The following TAF12 variants were observed in gnomAD, a reference collection of about 807,000 sequenced individuals.
TAF12 encodes transcription initiation factor TFIID subunit 12.
A neutral mutation model predicts 20.8 loss-of-function variants in TAF12; 3 were observed. That is an observed-to-expected ratio of 0.14 (90% CI 0.07 to 0.37). TAF12 has a LOEUF of 0.37. Among genes scored for constraint, TAF12 ranks in the 10% least tolerant of loss-of-function variants. TAF12 has a pLI of 1.00. For synonymous variants in TAF12, 69 were observed against 70.2 expected (o/e 0.98, Z 0.09); for missense variants, 131 against 197.9 (o/e 0.66, Z 2.03).
intron 1 of TAF12, among the ~76,000 whole-genome samples, chr1:28,627,485 A>C (rs550499025): frequency 6.6e-6 from 1 of 151,342 alleles, no homozygotes; most frequent in East Asian, 1.9e-4. Flanking sequence ...CAAGGTCAGG[A>C]GATCGAGACC....
chr1:28,635,276 CTTTTTTTTTTTT>C (rs1179724707), intron 1 of TAF12, among the ~76,000 whole-genome samples: 3 of 100,684 alleles, frequency 3.0e-5, no homozygotes, highest in Middle Eastern at 6.3e-3. Context: ...ATCCTCCCTC[CTTTTTTTTTTTT>C]TTTTTTTTTT....
At chr1:28,616,400 A>G (rs1667042559) in intron 3 of TAF12, among the ~76,000 whole-genome samples, 1 of 151,392 alleles carries the variant, frequency 6.6e-6, no homozygotes, top group Non-Finnish European at 1.5e-5. Flanking sequence ...TGTCTCAAAA[A>G]AAAAAAAAAA....
At chr1:28,626,667 G>C (rs1385135030) in intron 1 of TAF12, among the ~76,000 whole-genome samples, 1 of 150,530 alleles carries the variant, frequency 6.6e-6, no homozygotes, top group Non-Finnish European at 1.5e-5. Context: ...TCAGTACTTT[G>C]GGAGACCGAG....
upstream of TAF12, chr1:28,643,146 G>A (rs1668096925): frequency 1.0e-6 from 1 of 983,014 alleles, no homozygotes. Flanking sequence ...GCCGGCGGGC[G>A]CGCGCCTCGC....
intron 3 of TAF12, among the ~76,000 whole-genome samples, chr1:28,614,767 T>C (rs1173911229): frequency 6.6e-6 from 1 of 151,600 alleles, no homozygotes; most frequent in Non-Finnish European, 1.5e-5. Context: ...TCACTATCAA[T>C]TATTATTGGA....
At chr1:28,628,029 G>T (rs1476723265) in intron 1 of TAF12, among the ~76,000 whole-genome samples, 1 of 151,876 alleles carries the variant, frequency 6.6e-6, no homozygotes, top group Non-Finnish European at 1.5e-5. Context: ...CAAGATCTGT[G>T]AATTTTACTG....
At chr1:28,610,450 C>T (rs908988840) in intron 4 of TAF12, among the ~76,000 whole-genome samples, 1 of 152,008 alleles carries the variant, frequency 6.6e-6, no homozygotes, top group Non-Finnish European at 1.5e-5. Flanking sequence ...CTCCACCATG[C>T]CTGGCTAATT....
chr1:28,610,650 T>C (rs1666822774), intron 4 of TAF12, among the ~76,000 whole-genome samples: 1 of 151,574 alleles, frequency 6.6e-6, no homozygotes, highest in Admixed American at 6.6e-5. Flanking sequence ...TATAAATTCC[T>C]TTACCCTCCT....
chr1:28,640,647 A>G (rs529016807), intron 1 of TAF12, among the ~76,000 whole-genome samples: 1 of 152,328 alleles, frequency 6.6e-6, no homozygotes, highest in South Asian at 2.1e-4. Flanking sequence ...TATTGAAGGA[A>G]GTGACTGGTG....
chr1:28,609,766 C>T (rs1454629866), intron 4 of TAF12, among the ~76,000 whole-genome samples: 4 of 152,050 alleles, frequency 2.6e-5, no homozygotes, highest in Non-Finnish European at 4.4e-5. Context: ...GGATTACAGG[C>T]GTGAGCCACC....
intron 1 of TAF12, among the ~76,000 whole-genome samples, chr1:28,641,496 A>T (rs938836193): frequency 6.6e-6 from 1 of 151,954 alleles, no homozygotes; most frequent in East Asian, 1.9e-4. Context: ...AAAACAAAAC[A>T]AAAACAAAAA....
At chr1:28,636,395 G>A (rs554098472) in intron 1 of TAF12, among the ~76,000 whole-genome samples, 1 of 152,056 alleles carries the variant, frequency 6.6e-6, no homozygotes, top group Non-Finnish European at 1.5e-5. Flanking sequence ...CATGGTAGCA[G>A]TATCTGGGTT....
chr1:28,635,026 C>T (rs1667768410), intron 1 of TAF12, among the ~76,000 whole-genome samples: 1 of 151,294 alleles, frequency 6.6e-6, no homozygotes, highest in South Asian at 2.1e-4. Context: ...GGATCGAGAC[C>T]ATCCTGGCTA....
Position 28,643,046 on chromosome 1 carries a change from C to A in TAF12, c.-139G>T, listed in dbSNP as rs1341615923. The A allele has an allele frequency of 1.2e-5, 12 of 985,786 alleles. No individual in the cohort carries two copies. The highest frequency in any genetic ancestry group is 1.3e-5 in the Non-Finnish European group (11 of 829,962). The allele number at this position is 985,786 out of a possible 1,614,324, so 61.1% of individuals were successfully genotyped here. A position where few individuals can be genotyped will look rare whatever the true frequency, so the allele number is the denominator to read the frequency against. Reference sequence around the variant, plus strand: ...GCAGAGACTGCCCCAGTGAAGCGTTCGTCTCAGCAGCCGGTCCGACTGCGC... The same window carrying A: ...GCAGAGACTGCCCCAGTGAAGCGTTAGTCTCAGCAGCCGGTCCGACTGCGC... On this transcript the variant is annotated 5_prime_UTR_variant, in exon 1 of 6. Transcript: ENST00000373824.
At chr1:28,634,739 G>A (rs899623820) in intron 1 of TAF12, among the ~76,000 whole-genome samples, 4 of 151,448 alleles carry the variant, frequency 2.6e-5, no homozygotes, top group East Asian at 2.0e-4. Flanking sequence ...AGACCAGCCC[G>A]ACCAACATGC....
upstream of TAF12, chr1:28,643,219 C>A: frequency 1.6e-6 from 1 of 616,426 alleles, no homozygotes; most frequent in East Asian, 1.4e-4. Context: ...GTAGGTACAC[C>A]CTGCAGCTTG....
intron 1 of TAF12, among the ~76,000 whole-genome samples, chr1:28,629,825 A>G (rs1667559446): frequency 6.6e-6 from 1 of 152,062 alleles, no homozygotes; most frequent in Non-Finnish European, 1.5e-5. Context: ...TTTTTTTAAA[A>G]CACGGTGTCT....
At chr1:28,626,229 G>A (rs527592485) in intron 1 of TAF12, among the ~76,000 whole-genome samples, 11 of 149,632 alleles carry the variant, frequency 7.4e-5, no homozygotes, top group Admixed American at 2.0e-4. Context: ...CACCCGCCTC[G>A]GGCCTCCCAT....
chr1:28,630,069 A>G (rs1212660993), intron 1 of TAF12, among the ~76,000 whole-genome samples: 1 of 152,104 alleles, frequency 6.6e-6, no homozygotes, highest in Non-Finnish European at 1.5e-5. Flanking sequence ...CTTCCTCAGA[A>G]GCTGGAACTA....
Sources: allele counts gnomAD v4.1 joint callset (sites outside exome capture counted in the v4.1 genomes callset), GRCh38; gene constraint gnomAD v4.1.1; transcripts MANE v1.5; gene names NCBI Gene and HGNC (gene_info 2026-07-23, HGNC 2026-07-21).